ZNF26: variants seen among roughly 807,000 people sequenced by gnomAD.
ZNF26 encodes epididymis luminal protein 179.
ZNF26 carries 32 observed loss-of-function variants against 54.9 expected under a neutral mutation model. The ratio of observed to expected loss-of-function variants is 0.58; its 90% CI spans 0.44 to 0.78. The LOEUF is 0.78. ZNF26 is among the 30% of genes least tolerant of loss of function. ZNF26 has a pLI of 0.00. For missense variants in ZNF26, 524 were observed against 634.0 expected, an observed-to-expected ratio of 0.83 and a Z score of 1.86; for synonymous variants, 221 against 209.2, an observed-to-expected ratio of 1.06 and a Z score of -0.49.
intron 1 of ZNF26, chr12:132,987,585 C>A (rs1456044347): frequency 2.2e-6 from 1 of 446,588 alleles, no homozygotes; most frequent in Non-Finnish European, 3.0e-6. Context: ...GCTATACAGC[C>A]GGAGACTAGG....
At position 132,986,835 on chromosome 12, in the gene ZNF26, G is replaced by T. The variant is rs1952833060; in HGVS notation, c.-6G>T. On this transcript the variant is annotated 5_prime_UTR_variant, in exon 1 of 4. Coordinates refer to ENST00000328654, the MANE Select transcript of ZNF26 (RefSeq NM_019591.4). The stretch of plus-strand genomic sequence containing the variant: ...CCGCAGGCAGCGCGCGAACGTGGGC[G>T]TGGGGATGGCCACCAGTTTCCGGAC... The T allele has an allele frequency of 1.9e-6, 3 of 1,604,922 alleles. No individual in the cohort carries two copies. Among genetic ancestry groups the T allele is most frequent in the East Asian group, 2.2e-5 (1 of 44,580 alleles).
Position 133,011,180 on chromosome 12 carries a change from C to T in ZNF26, c.1301C>T (p.Ala434Val), listed in dbSNP as rs1953464909. 6.2e-7 allele frequency: 1 copy of T among 1,613,984 alleles called. No individual in the cohort carries two copies. Among genetic ancestry groups the T allele is most frequent in the Non-Finnish European group, 8.5e-7 (1 of 1,180,026 alleles). Residue 434 changes from alanine to valine, a missense_variant, in exon 4 of 4, where the codon GCC (alanine) becomes GTC (valine). By Grantham distance (64) the Ala-to-Val change is moderately conservative. Coordinates refer to ENST00000328654, the MANE Select transcript of ZNF26 (RefSeq NM_019591.4). The stretch of plus-strand genomic sequence containing the variant: ...TATGAATGTAGTTTGTGTGAGAGAG[C>T]CTTTTGTGGAAAATCACAGCTGATT... The part of the protein sequence containing the change: ...RPYECSLCER[A>V]FCGKSQLIIH...
chr12:133,003,770 A>G (rs1345292653), intron 1 of ZNF26, among the ~76,000 whole-genome samples: 1 of 152,182 alleles, frequency 6.6e-6, no homozygotes, highest in African/African-American at 2.4e-5. Flanking sequence ...TATTATAGAA[A>G]AGCCATCTAG....
rs1482864610 is a variant in ZNF26 at position 133,001,598 on chromosome 12, C to G, written c.34-5444C>G. 8.2e-7 allele frequency: 1 copy of G among 1,215,024 alleles called. No homozygotes were observed. The highest frequency in any genetic ancestry group is 1.6e-5 in the African/African-American group (1 of 64,314). The allele number at this position is 1,215,024 out of a possible 1,614,324, so 75.3% of individuals were successfully genotyped here. The stretch of plus-strand genomic sequence containing the variant: ...ATGCAGACTCACCCAGAAGTCCACT[C>G]ACTGCCTCTTCCCCTGGGGTCTCCC... On this transcript the variant is annotated intron_variant, in intron 1 of 3. Transcript: ENST00000328654. The surrounding 1 kb of genome is among the most constrained non-coding windows in gnomAD (Gnocchi z 4.7).
rs1296148209 is a variant in ZNF26 at position 133,024,374 on chromosome 12, C to T, written c.*12893C>T. The T allele has an allele frequency of 6.6e-6, 1 of 152,078 alleles. No homozygotes were observed. Among genetic ancestry groups the T allele is most frequent in the Admixed American group, 6.6e-5 (1 of 15,264 alleles). 9.4% of individuals were successfully genotyped at this position (152,078 alleles called of 1,614,324 possible). On this transcript the variant is annotated 3_prime_UTR_variant, in exon 4 of 4. Transcript: ENST00000328654. Reference sequence around the variant, plus strand: ...CTTTTTTATGTAGTGACAGGTGTATCAACACTGTCACCTAATGTAAATGGA... The same window carrying T: ...CTTTTTTATGTAGTGACAGGTGTATTAACACTGTCACCTAATGTAAATGGA...
chr12:132,999,003 T>A (rs1953151835), intron 1 of ZNF26, among the ~76,000 whole-genome samples: 1 of 152,226 alleles, frequency 6.6e-6, no homozygotes. Context: ...TTCTTGACTC[T>A]TCTTTAATCA....
At position 133,017,961 on chromosome 12, in the gene ZNF26, A is replaced by G. The variant is rs1461079364; in HGVS notation, c.*6480A>G. On this transcript the variant is annotated 3_prime_UTR_variant, in exon 4 of 4. Transcript: ENST00000328654. ...GAGGCAGAGGTTGCAGTGAGCCGAG[A>G]TCACGCCACCGCACTTCAGCCTGGG... 3 of 152,254 alleles carry G rather than the reference A, an allele frequency of 2.0e-5. No individual in the cohort carries two copies. Among genetic ancestry groups the G allele is most frequent in the African/African-American group, 4.8e-5 (2 of 41,462 alleles). 9.4% of individuals were successfully genotyped at this position (152,254 alleles called of 1,614,324 possible). A position where few individuals can be genotyped will look rare whatever the true frequency, so the allele number is the denominator to read the frequency against.
At chr12:133,003,258 T>TTA in intron 1 of ZNF26, among the ~76,000 whole-genome samples, 1 of 90,798 alleles carries the variant, frequency 1.1e-5, no homozygotes, top group Non-Finnish European at 2.1e-5. Context: ...TTCCCTTTTC[T>TTA]TTTTTTTTTT....
At chr12:132,995,465 A>G (rs1247293909) in intron 1 of ZNF26, among the ~76,000 whole-genome samples, 1 of 150,260 alleles carries the variant, frequency 6.7e-6, no homozygotes, top group African/African-American at 2.5e-5. Context: ...AAATATTTAC[A>G]TAGTTATATA....
chr12:133,008,091 C>T (rs751528664), intron 3 of ZNF26, among the ~76,000 whole-genome samples: 463 of 152,164 alleles, frequency 3.0e-3, no homozygotes, highest in Admixed American at 7.1e-3. Context: ...TCTTCCGTTC[C>T]GAAGGTTTAC....
Position 133,001,623 on chromosome 12 carries a change from C to T in ZNF26, c.34-5419C>T, listed in dbSNP as rs1274837841. 4 of 1,287,010 alleles carry T rather than the reference C, an allele frequency of 3.1e-6. No homozygotes were observed. Among genetic ancestry groups the T allele is most frequent in the East Asian group, 5.6e-5 (1 of 18,014 alleles). 79.7% of individuals were successfully genotyped at this position (1,287,010 alleles called of 1,614,324 possible). A position where few individuals can be genotyped will look rare whatever the true frequency, so the allele number is the denominator to read the frequency against. ...CACTGCCTCTTCCCCTGGGGTCTCC[C>T]TCCCTGCAGGTAGTGCTGCTGAGGA... On this transcript the variant is annotated intron_variant, in intron 1 of 3. Coordinates refer to ENST00000328654, the MANE Select transcript of ZNF26 (RefSeq NM_019591.4). This position sits in a 1 kb window ranked among gnomAD's most constrained non-coding sequence, Gnocchi z 4.7.
chr12:133,026,185 T>G lies in ZNF26; in HGVS notation c.*14704T>G, dbSNP rs1359778061. On this transcript the variant is annotated 3_prime_UTR_variant, in exon 4 of 4. Coordinates refer to ENST00000328654, the MANE Select transcript of ZNF26 (RefSeq NM_019591.4). ...GGCACGATCCTGGCTCACTGCAGCC[T>G]CCTCCTACTGGGTTCAAGCAGTTCT... is the stretch of plus-strand genomic sequence containing the variant. 2 of 151,710 alleles carry G rather than the reference T, an allele frequency of 1.3e-5. No homozygotes were observed. Among genetic ancestry groups the G allele is most frequent in the Admixed American group, 6.6e-5 (1 of 15,192 alleles). The allele number at this position is 151,710 out of a possible 1,614,324, so 9.4% of individuals were successfully genotyped here. A position where few individuals can be genotyped will look rare whatever the true frequency, so the allele number is the denominator to read the frequency against.
intron 1 of ZNF26, among the ~76,000 whole-genome samples, chr12:132,988,659 C>T (rs1952880273): frequency 6.6e-6 from 1 of 152,204 alleles, no homozygotes; most frequent in African/African-American, 2.4e-5. Context: ...TTGTCAACAT[C>T]TGCAAAATAA....
intron 1 of ZNF26, among the ~76,000 whole-genome samples, chr12:132,998,228 G>A (rs1057495695): frequency 6.6e-6 from 1 of 151,212 alleles, no homozygotes; most frequent in Admixed American, 6.6e-5. Context: ...GTGCAGTGGT[G>A]TGATCTTGGC....
At chr12:133,006,971 A>G in intron 1 of ZNF26, 71 bp from the exon 2 acceptor site, 2 of 1,537,764 alleles carry the variant, frequency 1.3e-6, no homozygotes, top group Non-Finnish European at 1.8e-6. Context: ...ATCCCTTCCC[A>G]GTTCCTCTGC....
chr12:132,993,541 C>T (rs1295828239), intron 1 of ZNF26, among the ~76,000 whole-genome samples: 2 of 151,002 alleles, frequency 1.3e-5, no homozygotes, highest in African/African-American at 2.4e-5. Context: ...CTACAACCTC[C>T]GCCTGTTGGG....
At chr12:132,990,752 T>C (rs1952930974) in intron 1 of ZNF26, among the ~76,000 whole-genome samples, 1 of 152,222 alleles carries the variant, frequency 6.6e-6, no homozygotes, top group Non-Finnish European at 1.5e-5. Flanking sequence ...TGTTTCTTTT[T>C]GTTCAGTTTT....
chr12:132,990,984 G>A (rs1952937159), intron 1 of ZNF26, among the ~76,000 whole-genome samples: 4 of 151,406 alleles, frequency 2.6e-5, no homozygotes, highest in Admixed American at 1.3e-4. Flanking sequence ...TCAGCCTCCC[G>A]AGTAGCTGGA....
chr12:132,986,625 C>T lies in ZNF26; in HGVS notation c.-216C>T. On this transcript the variant is annotated 5_prime_UTR_variant, in exon 1 of 4. Coordinates refer to ENST00000328654, the MANE Select transcript of ZNF26 (RefSeq NM_019591.4). ...GAAAGGCACAAATCCATCCGTGCGACTCCTGGTACCCAGACCGGGAGGTTG... is the reference window on the plus strand; with the variant it reads ...GAAAGGCACAAATCCATCCGTGCGATTCCTGGTACCCAGACCGGGAGGTTG... 1.7e-6 allele frequency: 1 copy of T among 594,560 alleles called. No homozygotes were observed. The highest frequency in any genetic ancestry group is 3.0e-6 in the Non-Finnish European group (1 of 332,844). 36.8% of individuals were successfully genotyped at this position (594,560 alleles called of 1,614,324 possible).
Sources: gnomAD v4.1 joint callset for allele counts (sites outside exome capture counted in the v4.1 genomes callset) on GRCh38, gnomAD v4.1.1 for gene constraint, Gnocchi (gnomAD v3.1) non-coding constraint, MANE v1.5 for transcripts, NCBI Gene and HGNC (gene_info 2026-07-23, HGNC 2026-07-21) for gene names.